The following NBPF11 variants were observed in gnomAD, a reference collection of about 807,000 sequenced individuals.
NBPF11 encodes the protein NBPF member 11.
Under a neutral mutation model 93.9 loss-of-function variants are expected in NBPF11, and 72 were observed. That is an observed-to-expected ratio of 0.77 (90% CI 0.63 to 0.93). The LOEUF (loss-of-function observed/expected upper bound fraction) is 0.93, where lower values mean the gene tolerates loss of function less well. Among genes scored for constraint, NBPF11 ranks in the 40% least tolerant of loss-of-function variants. NBPF11 has a pLI of 0.00. For synonymous variants in NBPF11, 224 were observed against 304.9 expected, an observed-to-expected ratio of 0.73 and a Z score of 2.76; for missense variants, 705 against 802.2, an observed-to-expected ratio of 0.88 and a Z score of 1.46.
chr1:148,145,527 A>C (rs1672858874), intron 1 of NBPF11, among the ~76,000 whole-genome samples: 2 of 148,708 alleles, frequency 1.3e-5, no homozygotes, highest in Non-Finnish European at 3.0e-5. Context: ...GATTTCTTAA[A>C]CAGGACACAA....
intron 4 of NBPF11, among the ~76,000 whole-genome samples, chr1:148,130,109 A>AT (rs1234931904): frequency 3.4e-5 from 5 of 147,824 alleles, no homozygotes; most frequent in South Asian, 2.2e-4. Flanking sequence ...GTTTTGATGG[A>AT]TTTTTTATGA....
intron 5 of NBPF11, among the ~76,000 whole-genome samples, chr1:148,125,858 T>A (rs1250566382): frequency 4.6e-5 from 7 of 151,906 alleles, no homozygotes; most frequent in Non-Finnish European, 1.0e-4. Flanking sequence ...GGGTCCCTGC[T>A]TTGCACACTG....
intron 17 of NBPF11, among the ~76,000 whole-genome samples, 200 bp downstream of exon 17, chr1:148,109,084 T>G (rs1321389340): frequency 6.6e-6 from 1 of 151,510 alleles, no homozygotes; most frequent in Non-Finnish European, 1.5e-5. Flanking sequence ...CAACCTTCAC[T>G]AGGTTAGTAA....
chr1:148,104,272 T>C (rs1489249573), intron 23 of NBPF11, among the ~76,000 whole-genome samples: 3 of 145,212 alleles, frequency 2.1e-5, no homozygotes, highest in Non-Finnish European at 3.0e-5. Context: ...CTCAATAGTT[T>C]TCCATAAAAT....
chr1:148,135,921 G>A (rs1330929940), intron 3 of NBPF11, 108 bp from the exon 4 acceptor site: 5 of 779,480 alleles, frequency 6.4e-6, no homozygotes, highest in South Asian at 3.0e-5. Context: ...TGTGTGGCCT[G>A]AGAGAAGCTC....
chr1:148,108,649 C>A lies in NBPF11; in HGVS notation c.1859G>T (p.Ser620Ile). 9.2e-7 allele frequency: 1 copy of A among 1,089,092 alleles called. No individual in the cohort carries two copies. The highest frequency in any genetic ancestry group is 2.4e-5 in the East Asian group (1 of 42,420). 67.5% of individuals were successfully genotyped at this position (1,089,092 alleles called of 1,614,324 possible). ...EDQEATGPRLSRELLDEKEPE... is the reference protein window; with the variant it reads ...EDQEATGPRLIRELLDEKEPE... ...CTCTTTCTCATCCAGCAGCTCCCTG[C>A]TGAGCCTGGAAAAGTGGGAAAAAGT... Residue 620 changes from serine to isoleucine, a missense_variant, in exon 18 of 24, where the codon AGC (serine) becomes ATC (isoleucine). By Grantham distance (142) the Ser-to-Ile change is moderately radical (BLOSUM62 -2). Transcript: ENST00000682118.
intron 15 of NBPF11, among the ~76,000 whole-genome samples, chr1:148,114,216 T>TCATCTGATGACA (rs1227407766): frequency 2.0e-5 from 3 of 150,416 alleles, no homozygotes; most frequent in Non-Finnish European, 4.5e-5. Flanking sequence ...CCTGTTTGGC[T>TCATCTGATGACA]AGTTCACCTG....
At chr1:148,137,976 A>G (rs1225456105) in intron 2 of NBPF11, among the ~76,000 whole-genome samples, 167 bp from the exon 3 acceptor site, 1 of 150,182 alleles carries the variant, frequency 6.7e-6, no homozygotes, top group Non-Finnish European at 1.5e-5. Context: ...CGGAGGACCC[A>G]TGCCTGCACT....
intron 4 of NBPF11, among the ~76,000 whole-genome samples, chr1:148,127,940 C>T (rs1669504161): frequency 1.3e-5 from 2 of 151,878 alleles, no homozygotes; most frequent in Non-Finnish European, 2.9e-5. Flanking sequence ...CAGGCGTGAG[C>T]CACCGCACAC....
intron 5 of NBPF11, among the ~76,000 whole-genome samples, chr1:148,126,332 A>G (rs2149250704): frequency 6.6e-6 from 1 of 151,660 alleles, no homozygotes; most frequent in East Asian, 1.9e-4. Flanking sequence ...TCACTTATAG[A>G]TAGCACAGGT....
In NBPF11 at chr1:148,120,560, T is replaced by G. The variant is rs2149228660; in HGVS notation, c.929A>C (p.Lys310Thr). Residue 310 changes from lysine to threonine, a missense_variant, in exon 10 of 24, where the codon AAA (lysine) becomes ACA (threonine). By Grantham distance (78) the Lys-to-Thr change is moderately conservative. This residue lies in a region of NBPF11 where 262 missense variants were observed against 223.1 expected (regional missense o/e 1.17). Transcript: ENST00000682118. ...AEKKQQFRSLKEKCFVTQVAC... is the reference protein window; with the variant it reads ...AEKKQQFRSLTEKCFVTQVAC... ...CACTTGAGTTACAAAACATTTCTCTTTGAGGCTTCTGAACTGCTGTTTCTT... is the reference window on the plus strand; with the variant it reads ...CACTTGAGTTACAAAACATTTCTCTGTGAGGCTTCTGAACTGCTGTTTCTT... The G allele has an allele frequency of 8.3e-7, 1 of 1,204,170 alleles. No homozygotes were observed. Among genetic ancestry groups the G allele is most frequent in the East Asian group, 2.3e-5 (1 of 42,814 alleles). The allele number at this position is 1,204,170 out of a possible 1,614,324, so 74.6% of individuals were successfully genotyped here.
chr1:148,149,291 G>A (rs1647625885), intron 1 of NBPF11: 23 of 1,596,708 alleles, frequency 1.4e-5, no homozygotes, highest in Middle Eastern at 2.2e-4. Context: ...GGGCATGCGC[G>A]TCGCCTTCCG....
chr1:148,150,414 T>A (rs1647992332), intron 1 of NBPF11, among the ~76,000 whole-genome samples: 1 of 151,206 alleles, frequency 6.6e-6, no homozygotes, highest in African/African-American at 2.4e-5. Flanking sequence ...CACCTGCACG[T>A]TTAAAATTGT....
chr1:148,109,167 T>C (rs1184756241), intron 17 of NBPF11, 117 bp downstream of exon 17: 5 of 828,248 alleles, frequency 6.0e-6, no homozygotes, highest in Non-Finnish European at 6.3e-6. Flanking sequence ...GCAGTAGGCA[T>C]AATTCAGACT....
At chr1:148,135,834 A>T (rs1328440157) in intron 3 of NBPF11, 21 bp from the exon 4 acceptor site, 6 of 704,782 alleles carry the variant, frequency 8.5e-6, no homozygotes, top group Admixed American at 2.1e-5. Context: ...GAAACAAATA[A>T]TTTATTTACC....
Position 148,118,703 on chromosome 1 carries a change from G to C in NBPF11, c.1008C>G (p.Asp336Glu). 1.9e-6 allele frequency: 3 copies of C among 1,612,810 alleles called. No individual in the cohort carries two copies. ...QNKYKYEECK[D>E]LIKSMLRNER... ...CATTCCTCAGCATAGATTTTATGAG[G>C]TCTTTGCACTCTTCATATTCTGAGA... The change falls in exon 11 of 24, where the codon GAC becomes GAG. Residue 336 changes from aspartate to glutamate, a missense_variant. Asp to Glu is a conservative substitution (Grantham distance 45, BLOSUM62 2). Transcript: ENST00000682118.
rs1662811906 is a variant in NBPF11 at position 148,103,669 on chromosome 1, T to C, written c.*227A>G. 1.2e-6 allele frequency: 2 copies of C among 1,611,116 alleles called. No individual in the cohort carries two copies. Among genetic ancestry groups the C allele is most frequent in the Admixed American group, 3.3e-5 (2 of 59,986 alleles). ...CACCTCTCGGCTTAGTAAGGGCTGC[T>C]TATTGTGGGAATATGACTCCCATCT... On this transcript the variant is annotated 3_prime_UTR_variant, in exon 24 of 24. Coordinates refer to ENST00000682118, the MANE Select transcript of NBPF11 (RefSeq NM_001385469.3).
chr1:148,148,204 G>A (rs1193056420), intron 1 of NBPF11, among the ~76,000 whole-genome samples: 1 of 152,234 alleles, frequency 6.6e-6, no homozygotes, highest in Admixed American at 6.5e-5. Context: ...GTGGAGTGCT[G>A]CCAGGAGGCT....
chr1:148,117,055 C>A lies in NBPF11; in HGVS notation c.1306+517G>T, dbSNP rs1439915006. 2.0e-5 allele frequency among the ~76,000 whole-genome samples: 3 copies of A among 152,066 alleles called. No homozygotes were observed. The East Asian group carries it at 5.8e-4, about 29-fold the overall frequency. The stretch of plus-strand genomic sequence containing the variant: ...CCACAAAATGCCCCCACATCAAGTG[C>A]CTTCTCCAACACCACACGGAGAGGG... On this transcript the variant is annotated intron_variant, in intron 12 of 23. Coordinates refer to ENST00000682118, the MANE Select transcript of NBPF11 (RefSeq NM_001385469.3).
Sources: allele counts gnomAD v4.1 joint callset (sites outside exome capture counted in the v4.1 genomes callset), GRCh38; gene constraint gnomAD v4.1.1; regional missense constraint gnomAD v4.1.1; transcripts MANE v1.5; gene names NCBI Gene and HGNC (gene_info 2026-07-23, HGNC 2026-07-21).